The following NOMO3 variants were observed in gnomAD, a reference collection of about 807,000 sequenced individuals.
NOMO3 encodes the protein NODAL modulator 3.
In NOMO3, 15 loss-of-function variants were observed where a neutral mutation model predicts 69.9. The ratio of observed to expected loss-of-function variants is 0.21; its 90% confidence interval spans 0.14 to 0.33. The LOEUF (loss-of-function observed/expected upper bound fraction) is 0.33. Ranked by LOEUF, NOMO3 falls within the 10% of genes least tolerant of loss-of-function variation. The probability of loss-of-function intolerance (pLI) is 1.00; values close to 1 mark genes in which losing one functional copy is unlikely to be tolerated. For missense variants in NOMO3, 218 were observed against 761.0 expected, an observed-to-expected ratio of 0.29 and a Z score of 8.39; for synonymous variants, 89 against 301.9, an observed-to-expected ratio of 0.29 and a Z score of 7.31.
At position 16,265,434 on chromosome 16, in the gene NOMO3, T is replaced by C. The variant is rs556584359; in HGVS notation, c.1806+255T>C. Reference sequence around the variant, plus strand: ...ACTGGTGATTCGGGGTGACCTTTGGTACAGTGTAGAGCACACTGGCTTTAT... The same window carrying C: ...ACTGGTGATTCGGGGTGACCTTTGGCACAGTGTAGAGCACACTGGCTTTAT... On this transcript the variant is annotated intron_variant, in intron 15 of 30. Transcript: ENST00000399336. 2.4e-4 allele frequency among the ~76,000 whole-genome samples: 33 copies of C among 140,144 alleles called. 4 individuals carry two copies. The highest frequency in any genetic ancestry group is 8.8e-4 in the African/African-American group (29 of 32,778). 91.9% of individuals were successfully genotyped at this position (140,144 alleles called of 152,430 possible).
At position 16,255,702 on chromosome 16, in the gene NOMO3, T is replaced by G. The variant is rs527307547; in HGVS notation, c.964-18T>G. 1 of 1,593,200 alleles carries G rather than the reference T, an allele frequency of 6.3e-7. No individual in the cohort carries two copies. Among genetic ancestry groups the G allele is most frequent in the African/African-American group, 1.6e-5 (1 of 64,218 alleles). On this transcript the variant is annotated intron_variant, in intron 9 of 30. Transcript: ENST00000399336. ...CACAGGAGCACCTTCGAGCACCTTC[T>G]TGTTCTTTGTTTTCTAGCCCGTGTT...
intron 11 of NOMO3, among the ~76,000 whole-genome samples, chr16:16,256,366 C>T (rs1312578375): frequency 8.6e-6 from 1 of 116,476 alleles, no homozygotes; most frequent in Non-Finnish European, 1.6e-5. Flanking sequence ...ACCTCTGCCT[C>T]CCAGGTTCAA....
intron 12 of NOMO3, 113 bp from the exon 13 acceptor site, chr16:16,262,961 T>G: frequency 2.0e-6 from 3 of 1,506,302 alleles, no homozygotes; most frequent in Non-Finnish European, 2.6e-6. Flanking sequence ...AACGAACCTT[T>G]GGCCTTCAAA....
At position 16,263,595 on chromosome 16, in the gene NOMO3, C is replaced by G; in HGVS notation, c.1620C>G (p.Val540=). 1.3e-6 allele frequency: 1 copy of G among 760,870 alleles called. No individual in the cohort carries two copies. 47.1% of individuals were successfully genotyped at this position (760,870 alleles called of 1,614,324 possible). A position where few individuals can be genotyped will look rare whatever the true frequency, so the allele number is the denominator to read the frequency against. Residue 540 remains valine (V), a synonymous_variant, in exon 14 of 31, where the codon GTC becomes GTG. Transcript: ENST00000399336. Reference sequence around the variant, plus strand: ...GGAGCCTCCAGCTCTCCGGCAAGGTCAACGCCATGACTTTCACCTTTGACA... The same window carrying G: ...GGAGCCTCCAGCTCTCCGGCAAGGTGAACGCCATGACTTTCACCTTTGACA... The part of the protein sequence containing the change: ...EKRSLQLSGK[V]NAMTFTFDNV...
In NOMO3 at chr16:16,232,545, G is replaced by T; in HGVS notation, c.-122G>T. On this transcript the variant is annotated 5_prime_UTR_variant, in exon 1 of 31. Transcript: ENST00000399336. ...GCGCGCGTGCGCGGCGGCGGCTGGC[G>T]GCGGCGGTGGGGCGGGGCCTGGGCT... 2 of 1,220,000 alleles carry T rather than the reference G, an allele frequency of 1.6e-6. No homozygotes were observed. Among genetic ancestry groups the T allele is most frequent in the Non-Finnish European group, 2.1e-6 (2 of 969,748 alleles). 75.6% of individuals were successfully genotyped at this position (1,220,000 alleles called of 1,614,324 possible).
intron 11 of NOMO3, among the ~76,000 whole-genome samples, chr16:16,257,648 G>C (rs369390231): frequency 2.1e-5 from 3 of 142,442 alleles, no homozygotes; most frequent in Non-Finnish European, 4.4e-5. Flanking sequence ...CCCAGGGGGG[G>C]ACCTAGGGAG....
chr16:16,248,081 C>CTT (rs1169035278), intron 6 of NOMO3, among the ~76,000 whole-genome samples: 7 of 87,108 alleles, frequency 8.0e-5, no homozygotes, highest in African/African-American at 2.7e-4. Flanking sequence ...TGGATACAGT[C>CTT]TTTTTTTTTT....
chr16:16,235,231 T>C (rs2049317325), intron 1 of NOMO3, among the ~76,000 whole-genome samples: 1 of 151,130 alleles, frequency 6.6e-6, no homozygotes, highest in Non-Finnish European at 1.5e-5. Context: ...ACTTTGTACA[T>C]CATCTTAGCT....
intron 2 of NOMO3, among the ~76,000 whole-genome samples, chr16:16,239,316 A>T (rs2856521): frequency 7.0e-6 from 1 of 142,698 alleles, no homozygotes; most frequent in Non-Finnish European, 1.5e-5. Flanking sequence ...ACACCCAGCT[A>T]ATTTTTTAAG....
At chr16:16,237,898 AG>A (rs1429771593) in intron 2 of NOMO3, among the ~76,000 whole-genome samples, 4 of 144,680 alleles carry the variant, frequency 2.8e-5, no homozygotes, top group Non-Finnish European at 4.4e-5. Flanking sequence ...TTCTATTTAT[AG>A]TTATTCAGAT....
At chr16:16,270,213 T>G in intron 17 of NOMO3, 29 bp downstream of exon 17, 2 of 1,537,066 alleles carry the variant, frequency 1.3e-6, no homozygotes, top group Non-Finnish European at 1.7e-6. Flanking sequence ...TGCTTTGTGG[T>G]GTTTGTATAC....
intron 3 of NOMO3, among the ~76,000 whole-genome samples, chr16:16,240,110 A>G (rs1452876024): frequency 6.9e-6 from 1 of 144,188 alleles, no homozygotes; most frequent in African/African-American, 2.8e-5. Flanking sequence ...CCTTTGAAAA[A>G]TAGACATCTT....
At chr16:16,267,588 C>T (rs1399206838) in intron 16 of NOMO3, among the ~76,000 whole-genome samples, 1 of 140,252 alleles carries the variant, frequency 7.1e-6, no homozygotes, top group Non-Finnish European at 1.5e-5. Context: ...GTGCCCACCA[C>T]CACATCCGGC....
chr16:16,237,204 T>A (rs1596796994), intron 2 of NOMO3, among the ~76,000 whole-genome samples: 1 of 144,884 alleles, frequency 6.9e-6, no homozygotes, highest in Non-Finnish European at 1.5e-5. Context: ...CATTTGGCAA[T>A]GTCTAGAGAC....
chr16:16,241,206 G>A (rs373063487), intron 3 of NOMO3, among the ~76,000 whole-genome samples: 1 of 144,226 alleles, frequency 6.9e-6, no homozygotes, highest in Non-Finnish European at 1.5e-5. Flanking sequence ...CCACCACCCT[G>A]ACCTTCTACA....
intron 11 of NOMO3, among the ~76,000 whole-genome samples, chr16:16,260,334 T>A (rs2049552628): frequency 7.1e-6 from 1 of 141,662 alleles, no homozygotes. Flanking sequence ...CTTTTGATTT[T>A]TTTTTTTAAC....
chr16:16,266,349 G>T (rs1465207196), intron 15 of NOMO3, among the ~76,000 whole-genome samples: 1 of 129,706 alleles, frequency 7.7e-6, no homozygotes, highest in Non-Finnish European at 1.5e-5. Flanking sequence ...TTCCCTTCCA[G>T]CAGTGGAGTG....
chr16:16,249,793 G>T (rs1351964321), intron 6 of NOMO3, among the ~76,000 whole-genome samples: 2 of 143,506 alleles, frequency 1.4e-5, no homozygotes, highest in Non-Finnish European at 3.0e-5. Flanking sequence ...CAAGTGTGAG[G>T]GCACTTCTGG....
intron 11 of NOMO3, chr16:16,261,163 C>G: frequency 5.9e-6 from 2 of 337,218 alleles, no homozygotes; most frequent in Non-Finnish European, 1.0e-5. Context: ...TGTCAACGAT[C>G]CAATTACCTG....
Sources: allele counts gnomAD v4.1 joint callset (sites outside exome capture counted in the v4.1 genomes callset), GRCh38; gene constraint gnomAD v4.1.1; transcripts MANE v1.5; gene names NCBI Gene and HGNC (gene_info 2026-07-23, HGNC 2026-07-21).